The following NFIB variants were observed in gnomAD, a reference collection of about 807,000 sequenced individuals.
NFIB encodes the protein nuclear factor I B.
A neutral mutation model predicts 61.5 loss-of-function variants in NFIB; 11 were observed. That is an observed-to-expected ratio of 0.18 (90% CI 0.11 to 0.30). The LOEUF is 0.30. NFIB is among the 10% of genes least tolerant of loss of function. NFIB has a pLI of 1.00. For missense variants in NFIB, 471 were observed against 608.9 expected, an observed-to-expected ratio of 0.77 and a Z score of 2.38; for synonymous variants, 260 against 216.5, an observed-to-expected ratio of 1.20 and a Z score of -1.76.
intron 2 of NFIB, among the ~76,000 whole-genome samples, chr9:14,290,385 G>A (rs114126413): frequency 0.011 from 1,644 of 152,158 alleles, 17 homozygotes; most frequent in African/African-American, 0.025. Context: ...CTTCTGGAAA[G>A]CTCAGAGAAA....
rs1203255514 is a variant in NFIB at position 14,323,230 on chromosome 9, G to A, written c.109-15710C>T. Among the ~76,000 whole-genome samples, 3 of 152,074 alleles carry A rather than the reference G, an allele frequency of 2.0e-5. No homozygotes were observed. The East Asian group carries it at 5.8e-4, about 29-fold the overall frequency. ...AAAATAGATCAGTAATTTAGAAGTG[G>A]GTGAAACAACCAACACCAAAGAGAT... On this transcript the variant is annotated intron_variant, in intron 1 of 8. Coordinates refer to the NFIB transcript ENST00000380934.
At chr9:14,145,190 C>T (rs1262016799) in intron 6 of NFIB, among the ~76,000 whole-genome samples, 3 of 151,976 alleles carry the variant, frequency 2.0e-5, no homozygotes, top group African/African-American at 7.3e-5. Context: ...TAAAATGACC[C>T]TTGCCATCTC....
intron 3 of NFIB, among the ~76,000 whole-genome samples, chr9:14,160,920 T>C (rs996802581): frequency 9.9e-5 from 15 of 151,792 alleles, no homozygotes. Context: ...ACACAGATGT[T>C]TTCCTATGTT....
intron 10 of NFIB, among the ~76,000 whole-genome samples, chr9:14,093,223 T>C (rs148736316): frequency 0.011 from 1,640 of 152,230 alleles, 22 homozygotes; most frequent in African/African-American, 0.038. Context: ...ATTACTAGCC[T>C]GTGTGTATTT....
At chr9:14,442,047 G>C in the NFIB span, among the ~76,000 whole-genome samples, 1 of 151,936 alleles carries the variant, frequency 6.6e-6, no homozygotes, top group African/African-American at 2.4e-5. Flanking sequence ...AGAACCTTCG[G>C]TATGATTTTC....
chr9:14,228,695 T>C (rs1216002006), intron 2 of NFIB, among the ~76,000 whole-genome samples: 2 of 152,242 alleles, frequency 1.3e-5, no homozygotes, highest in Non-Finnish European at 2.9e-5. Context: ...GCTTCCTTTC[T>C]AGCCAGGCTT....
Position 14,237,183 on chromosome 9 carries a change from T to C in NFIB, c.563-57403A>G, listed in dbSNP as rs562918585. Among the ~76,000 whole-genome samples, 604 of 152,258 alleles carry C rather than the reference T, an allele frequency of 4.0e-3. 4 individuals are homozygous for C. The highest frequency in any genetic ancestry group is 0.013 in the African/African-American group (526 of 41,550). On this transcript the variant is annotated intron_variant, in intron 2 of 10. Transcript: ENST00000380953. ...TCAAGGTAAAATCACACTTCTGAAA[T>C]TCCTAAAAGGCTACGTCACTGAAAA...
the NFIB span, among the ~76,000 whole-genome samples, chr9:14,464,698 C>T: frequency 6.6e-6 from 1 of 152,010 alleles, no homozygotes; most frequent in Non-Finnish European, 1.5e-5. Context: ...CCCAGGGCCC[C>T]TTGGAGAGCT....
intron 2 of NFIB, among the ~76,000 whole-genome samples, chr9:14,301,998 C>T (rs1035128213): frequency 1.3e-5 from 2 of 152,132 alleles, no homozygotes; most frequent in Non-Finnish European, 2.9e-5. Context: ...ACAGTGCTCC[C>T]CTAAATCAAA....
chr9:14,288,692 G>C (rs1274023004), intron 2 of NFIB, among the ~76,000 whole-genome samples: 1 of 152,020 alleles, frequency 6.6e-6, no homozygotes, highest in African/African-American at 2.4e-5. Context: ...GAGAGGGTTA[G>C]TTAGTTGTAT....
At chr9:14,335,385 A>G (rs779266353) in intron 1 of NFIB, among the ~76,000 whole-genome samples, 4 of 152,238 alleles carry the variant, frequency 2.6e-5, no homozygotes, top group Non-Finnish European at 4.4e-5. Flanking sequence ...TAGCCATTCT[A>G]GTAAGTATGT....
intron 2 of NFIB, among the ~76,000 whole-genome samples, chr9:14,295,093 AAT>A (rs1334741987): frequency 6.6e-6 from 1 of 152,248 alleles, no homozygotes; most frequent in Non-Finnish European, 1.5e-5. Flanking sequence ...CAATTTCAGT[AAT>A]AAATGTTAAC....
rs975438159 is a variant in NFIB, at chr9:14,268,103, A to G, written c.562+38886T>C. On this transcript the variant is annotated intron_variant, in intron 2 of 10. Coordinates refer to ENST00000380953, the MANE Select transcript of NFIB (RefSeq NM_001190737.2). ...TGAGCCAAGATCACGCCTGGCCGAC[A>G]TAGCAAGATTCCATCTCAAAAAAAA... 7.9e-4 allele frequency among the ~76,000 whole-genome samples: 114 copies of G among 143,928 alleles called. 1 individual carries two copies. Among genetic ancestry groups the G allele is most frequent in the African/African-American group, 2.8e-3 (110 of 39,062 alleles). 94.4% of individuals were successfully genotyped at this position (143,928 alleles called of 152,430 possible). A position where few individuals can be genotyped will look rare whatever the true frequency, so the allele number is the denominator to read the frequency against.
chr9:14,471,901 G>A, the NFIB span, among the ~76,000 whole-genome samples: 1 of 152,324 alleles, frequency 6.6e-6, no homozygotes, highest in African/African-American at 2.4e-5. Flanking sequence ...ACCTGTGTTA[G>A]GCAGGCATAT....
At chr9:14,296,511 G>A (rs2059453439) in intron 2 of NFIB, among the ~76,000 whole-genome samples, 2 of 152,214 alleles carry the variant, frequency 1.3e-5, no homozygotes, top group Non-Finnish European at 2.9e-5. Flanking sequence ...GGTATTAGGA[G>A]GTGGGGCCTT....
intron 3 of NFIB, among the ~76,000 whole-genome samples, chr9:14,157,467 G>C (rs2043567651): frequency 6.6e-6 from 1 of 152,016 alleles, no homozygotes. Flanking sequence ...ATCTCAGTAG[G>C]GAATAAAACA....
the NFIB span, among the ~76,000 whole-genome samples, chr9:14,411,127 T>C: frequency 6.6e-6 from 1 of 152,228 alleles, no homozygotes; most frequent in Non-Finnish European, 1.5e-5. Context: ...AATATTAAGA[T>C]GTTATTTCAT....
chr9:14,290,817 A>T (rs978143140), intron 2 of NFIB, among the ~76,000 whole-genome samples: 10 of 152,092 alleles, frequency 6.6e-5, no homozygotes, highest in African/African-American at 2.4e-4. Flanking sequence ...ATTTGCCCCT[A>T]ATGTTCTATA....
At chr9:14,234,366 C>A (rs1460696409) in intron 2 of NFIB, among the ~76,000 whole-genome samples, 1 of 133,006 alleles carries the variant, frequency 7.5e-6, no homozygotes, top group African/African-American at 3.3e-5. Flanking sequence ...GGTATATTAT[C>A]ATTACTCTTT....
Sources: gnomAD v4.1 joint callset for allele counts (sites outside exome capture counted in the v4.1 genomes callset) on GRCh38, gnomAD v4.1.1 for gene constraint, MANE v1.5 for transcripts, NCBI Gene and HGNC (gene_info 2026-07-23, HGNC 2026-07-21) for gene names.